The following TRAPPC3L variants were observed in gnomAD, a reference collection of about 807,000 sequenced individuals.
TRAPPC3L encodes the protein trafficking protein particle complex subunit 3L, also known as trafficking protein particle complex subunit 3-like protein.
A neutral mutation model predicts 23.7 loss-of-function variants in TRAPPC3L; 23 were observed. That is an observed-to-expected ratio of 0.97 (90% CI 0.70 to 1.37). TRAPPC3L has a LOEUF of 1.37. Among genes scored for constraint, TRAPPC3L ranks in the 40% most tolerant of loss-of-function variants. The probability of loss-of-function intolerance (pLI) is 0.00; values close to 1 mark genes in which losing one functional copy is unlikely to be tolerated. For synonymous variants in TRAPPC3L, 81 were observed against 77.9 expected, an observed-to-expected ratio of 1.04 and a Z score of -0.21; for missense variants, 212 against 216.8, an observed-to-expected ratio of 0.98 and a Z score of 0.14.
At position 116,501,953 on chromosome 6, in the gene TRAPPC3L, A is replaced by G. The variant is rs191700390; in HGVS notation, c.241-1287T>C. Among the ~76,000 whole-genome samples, 625 of 152,384 alleles carry G rather than the reference A, an allele frequency of 4.1e-3. 5 individuals are homozygous for G. The highest frequency in any genetic ancestry group is 0.014 in the African/African-American group (585 of 41,594). ...AGAAAAGCTGAAAATTCCAAAAACC[A>G]GAACACCTCTTCTCCTCCAAAAGAA... On this transcript the variant is annotated intron_variant, in intron 3 of 4. Transcript: ENST00000368602.
At chr6:116,542,760 T>C (rs1208754673) in intron 2 of TRAPPC3L, among the ~76,000 whole-genome samples, 1 of 152,078 alleles carries the variant, frequency 6.6e-6, no homozygotes, top group Non-Finnish European at 1.5e-5. Context: ...AAGAAAAGCA[T>C]AGTAATGATT....
intron 3 of TRAPPC3L, chr6:116,512,219 C>A (rs1452201747): frequency 6.3e-7 from 1 of 1,599,638 alleles, no homozygotes; most frequent in Admixed American, 1.7e-5. Flanking sequence ...GAAACTCTCC[C>A]TTCAGGCCCA....
chr6:116,497,485 A>G (rs764733471), intron 4 of TRAPPC3L, among the ~76,000 whole-genome samples: 1 of 152,248 alleles, frequency 6.6e-6, no homozygotes, highest in Non-Finnish European at 1.5e-5. Context: ...GCCATAAATC[A>G]TTCTGTCATT....
chr6:116,509,400 T>G (rs1174630197), intron 3 of TRAPPC3L, among the ~76,000 whole-genome samples: 2 of 151,876 alleles, frequency 1.3e-5, no homozygotes, highest in African/African-American at 4.8e-5. Flanking sequence ...CAATACTAAG[T>G]AAAAAGAATA....
chr6:116,498,222 G>A (rs1771861725), intron 4 of TRAPPC3L, among the ~76,000 whole-genome samples: 1 of 152,208 alleles, frequency 6.6e-6, no homozygotes, highest in Non-Finnish European at 1.5e-5. Context: ...TGCTATTTAT[G>A]AGAGTGGAAG....
chr6:116,515,924 C>G, intron 3 of TRAPPC3L: 2 of 1,613,668 alleles, frequency 1.2e-6, no homozygotes, highest in Non-Finnish European at 1.7e-6. Context: ...GGACAATGGT[C>G]TGCAACTTAG....
chr6:116,527,584 G>A (rs923018827), intron 3 of TRAPPC3L, among the ~76,000 whole-genome samples: 3 of 144,184 alleles, frequency 2.1e-5, no homozygotes, highest in Admixed American at 6.9e-5. Context: ...CTTTTTTTCT[G>A]TTGATCTGTC....
intron 3 of TRAPPC3L, chr6:116,515,954 A>G: frequency 1.2e-6 from 2 of 1,609,908 alleles, no homozygotes; most frequent in Non-Finnish European, 1.7e-6. Flanking sequence ...TGATGAGACG[A>G]CAATGGTCCT....
chr6:116,502,364 A>G (rs1771931178), intron 3 of TRAPPC3L, among the ~76,000 whole-genome samples: 1 of 152,252 alleles, frequency 6.6e-6, no homozygotes, highest in African/African-American at 2.4e-5. Context: ...TCCAAGAAAT[A>G]TGGGACTATG....
intron 3 of TRAPPC3L, among the ~76,000 whole-genome samples, chr6:116,509,395 C>T (rs1452969604): frequency 6.6e-6 from 1 of 152,030 alleles, no homozygotes; most frequent in East Asian, 1.9e-4. Flanking sequence ...CAAAGCAATA[C>T]TAAGTAAAAA....
intron 3 of TRAPPC3L, among the ~76,000 whole-genome samples, chr6:116,533,511 C>T (rs955215141): frequency 1.3e-5 from 2 of 152,226 alleles, no homozygotes; most frequent in East Asian, 1.9e-4. Flanking sequence ...ATAATTCCAG[C>T]GTGAGAGAGC....
rs374940815 is a variant in TRAPPC3L at position 116,497,022 on chromosome 6, T to G, written c.478A>C (p.Ser160Arg). The change falls in exon 5 of 5, where the codon AGT (serine) becomes CGT (arginine). Residue 160 changes from serine (S) to arginine (R), a missense_variant. Ser to Arg is a moderately radical substitution (Grantham distance 110). Coordinates refer to ENST00000368602, the MANE Select transcript of TRAPPC3L (RefSeq NM_001139444.3). ...AATGTTATTCCTATTTCTGTCACAC[T>G]GTCACCTTTTAGTCTGTCTTGCAAG... ...TFLQDRLKGD[S>R]VTEIGITFLK... 13 of 1,547,414 alleles carry G rather than the reference T, an allele frequency of 8.4e-6. No individual in the cohort carries two copies. The highest frequency in any genetic ancestry group is 1.1e-5 in the Non-Finnish European group (13 of 1,145,998).
chr6:116,539,743 G>A (rs1330331257), intron 3 of TRAPPC3L, among the ~76,000 whole-genome samples: 2 of 152,054 alleles, frequency 1.3e-5, no homozygotes, highest in Non-Finnish European at 2.9e-5. Flanking sequence ...CTGGAGACAC[G>A]CGTATCTTCT....
At chr6:116,543,896 A>G (rs1259902150) in intron 1 of TRAPPC3L, 2 of 1,498,156 alleles carry the variant, frequency 1.3e-6, no homozygotes, top group East Asian at 2.5e-5. Flanking sequence ...CTTTTTACTT[A>G]GAGAAAAAAG....
chr6:116,545,396 T>A, intron 1 of TRAPPC3L, 77 bp downstream of exon 1: 1 of 1,337,042 alleles, frequency 7.5e-7, no homozygotes, highest in Admixed American at 2.3e-5. Context: ...TAGCATCAGT[T>A]TTTAAAATCA....
intron 3 of TRAPPC3L, chr6:116,515,907 G>C (rs1235176772): frequency 6.2e-7 from 1 of 1,613,882 alleles, no homozygotes; most frequent in Admixed American, 1.7e-5. Flanking sequence ...ACCCTCCACA[G>C]AGTGGTGGAC....
intron 3 of TRAPPC3L, among the ~76,000 whole-genome samples, chr6:116,500,898 T>C (rs921933222): frequency 6.6e-6 from 1 of 152,220 alleles, no homozygotes; most frequent in African/African-American, 2.4e-5. Flanking sequence ...GGAACAGCTC[T>C]AGTCTATAGC....
chr6:116,543,661 C>A, intron 1 of TRAPPC3L: 1 of 714,836 alleles, frequency 1.4e-6, no homozygotes, highest in Non-Finnish European at 2.3e-6. Context: ...CATTTGCTTA[C>A]ATGATAACTT....
intron 3 of TRAPPC3L, among the ~76,000 whole-genome samples, chr6:116,509,852 T>C (rs192750449): frequency 2.0e-5 from 3 of 152,228 alleles, no homozygotes; most frequent in Non-Finnish European, 2.9e-5. Context: ...AAAAAGCTTC[T>C]GCACAGCAAA....
Sources: gnomAD v4.1 joint callset for allele counts (sites outside exome capture counted in the v4.1 genomes callset) on GRCh38, gnomAD v4.1.1 for gene constraint, MANE v1.5 for transcripts, NCBI Gene and HGNC (gene_info 2026-07-23, HGNC 2026-07-21) for gene names.